The following GRIA4 variants were observed in gnomAD, a reference collection of about 807,000 sequenced individuals.
GRIA4 encodes the protein glutamate receptor 4.
GRIA4 carries 34 observed loss-of-function variants against 104.0 expected under a neutral mutation model. That is an observed-to-expected ratio of 0.33 (90% CI 0.25 to 0.44). The LOEUF (loss-of-function observed/expected upper bound fraction) is 0.44. Among genes scored for constraint, GRIA4 ranks in the 20% least tolerant of loss-of-function variants. GRIA4 has a pLI of 1.00. For missense variants in GRIA4, 750 were observed against 1,096.5 expected (o/e 0.68, Z 4.46); for synonymous variants, 386 against 381.9 (o/e 1.01, Z -0.13).
intron 3 of GRIA4, among the ~76,000 whole-genome samples, chr11:105,726,653 GT>G (rs1400157838): frequency 3.9e-5 from 6 of 152,048 alleles, no homozygotes. Flanking sequence ...CATCTGGTGG[GT>G]CCCCCTCTGG....
chr11:105,890,914 T>C (rs1467128501), intron 6 of GRIA4, among the ~76,000 whole-genome samples: 1 of 152,240 alleles, frequency 6.6e-6, no homozygotes, highest in Non-Finnish European at 1.5e-5. Context: ...ATGGGATTTG[T>C]ATGTAGGTGC....
chr11:105,831,170 G>A (rs1591318801), intron 4 of GRIA4, among the ~76,000 whole-genome samples: 1 of 152,136 alleles, frequency 6.6e-6, no homozygotes, highest in Middle Eastern at 3.4e-3. Flanking sequence ...TCATTCATAT[G>A]CCTGGCAAGT....
At chr11:105,629,428 A>T (rs774906095) in intron 3 of GRIA4, among the ~76,000 whole-genome samples, 2 of 152,062 alleles carry the variant, frequency 1.3e-5, no homozygotes, top group Non-Finnish European at 2.9e-5. Flanking sequence ...CATGATTTAG[A>T]GATTTTTAAC....
At chr11:105,662,817 T>G (rs1181351065) in intron 3 of GRIA4, among the ~76,000 whole-genome samples, 2 of 151,770 alleles carry the variant, frequency 1.3e-5, no homozygotes, top group African/African-American at 4.8e-5. Flanking sequence ...GACAGTAAGT[T>G]CCCAGGCTGA....
chr11:105,810,089 G>A (rs1943113085), intron 4 of GRIA4, among the ~76,000 whole-genome samples: 1 of 152,044 alleles, frequency 6.6e-6, no homozygotes, highest in African/African-American at 2.4e-5. Context: ...CATCACTGTT[G>A]ACCTATAAGG....
chr11:105,849,518 T>C (rs1944721467), intron 4 of GRIA4, among the ~76,000 whole-genome samples: 1 of 152,216 alleles, frequency 6.6e-6, no homozygotes, highest in Non-Finnish European at 1.5e-5. Flanking sequence ...GAGGCATCAA[T>C]TGGAGTGGTC....
chr11:105,820,026 A>G (rs1399073216), intron 4 of GRIA4, among the ~76,000 whole-genome samples: 1 of 152,086 alleles, frequency 6.6e-6, no homozygotes, highest in Admixed American at 6.6e-5. Flanking sequence ...CCAAGCCAAA[A>G]AATGACAAAG....
chr11:105,769,833 A>G (rs1476070628), intron 4 of GRIA4, among the ~76,000 whole-genome samples: 3 of 152,100 alleles, frequency 2.0e-5, no homozygotes, highest in Non-Finnish European at 2.9e-5. Context: ...TGTCAATTAC[A>G]TGAGTCATCA....
At chr11:105,738,920 TA>T (rs1208334069) in intron 3 of GRIA4, among the ~76,000 whole-genome samples, 3 of 49,314 alleles carry the variant, frequency 6.1e-5, no homozygotes, top group South Asian at 5.3e-4. Context: ...AGTTGACAAG[TA>T]AAAAAAAACA....
chr11:105,664,342 T>C (rs1252742185), intron 3 of GRIA4, among the ~76,000 whole-genome samples: 1 of 150,132 alleles, frequency 6.7e-6, no homozygotes, highest in African/African-American at 2.5e-5. Context: ...AGAAAACCAA[T>C]GTGACCAGCA....
chr11:105,940,586 T>C (rs886622790), intron 14 of GRIA4, among the ~76,000 whole-genome samples: 2 of 152,164 alleles, frequency 1.3e-5, no homozygotes, highest in Non-Finnish European at 2.9e-5. Flanking sequence ...ATATATAATC[T>C]ACCCTTCAGT....
chr11:105,760,498 A>G (rs1252404390), intron 4 of GRIA4, among the ~76,000 whole-genome samples: 1 of 152,086 alleles, frequency 6.6e-6, no homozygotes, highest in East Asian at 1.9e-4. Flanking sequence ...TATAATTTAT[A>G]TTTATCCCAA....
chr11:105,746,416 C>CTT (rs569193538), intron 3 of GRIA4, among the ~76,000 whole-genome samples: 1 of 141,714 alleles, frequency 7.1e-6, no homozygotes, highest in African/African-American at 2.6e-5. Flanking sequence ...TCAGGTTTGG[C>CTT]TTTTTTTTTT....
intron 5 of GRIA4, among the ~76,000 whole-genome samples, chr11:105,868,243 A>G (rs1441689157): frequency 2.0e-5 from 3 of 152,164 alleles, no homozygotes; most frequent in African/African-American, 7.2e-5. Flanking sequence ...CCAAGACAGA[A>G]CGAACTGTAA....
intron 6 of GRIA4, among the ~76,000 whole-genome samples, chr11:105,888,630 C>T (rs1390025910): frequency 1.3e-5 from 2 of 151,910 alleles, no homozygotes; most frequent in Non-Finnish European, 2.9e-5. Flanking sequence ...GACTATCTTG[C>T]GCTTGAAACA....
Position 105,887,110 on chromosome 11 carries a change from C to A in GRIA4, c.673-409C>A, listed in dbSNP as rs576974950. On this transcript the variant is annotated intron_variant, in intron 5 of 16. Transcript: ENST00000282499. Reference sequence around the variant, plus strand: ...CTACTCATAGATGACTATTCTTACCCTATTAAGACACCAAGCAGCCTATCT... The same window carrying A: ...CTACTCATAGATGACTATTCTTACCATATTAAGACACCAAGCAGCCTATCT... 1.3e-3 allele frequency among the ~76,000 whole-genome samples: 203 copies of A among 152,170 alleles called. 1 individual carries two copies. Among genetic ancestry groups the A allele is most frequent in the South Asian group, 0.01 (49 of 4,820 alleles).
intron 15 of GRIA4, among the ~76,000 whole-genome samples, chr11:105,972,606 G>C (rs1858754735): frequency 6.6e-6 from 1 of 151,892 alleles, no homozygotes; most frequent in African/African-American, 2.4e-5. Flanking sequence ...CAATGTTTAT[G>C]AATAATATTC....
chr11:105,816,715 T>C (rs896929216), intron 4 of GRIA4, among the ~76,000 whole-genome samples: 5 of 152,078 alleles, frequency 3.3e-5, no homozygotes, highest in Non-Finnish European at 7.4e-5. Flanking sequence ...GTATAGTGGT[T>C]AAAAGCTCAG....
intron 4 of GRIA4, among the ~76,000 whole-genome samples, chr11:105,764,227 C>G (rs2135724319): frequency 6.6e-6 from 1 of 152,290 alleles, no homozygotes; most frequent in African/African-American, 2.4e-5. Flanking sequence ...ACCTCCACCT[C>G]CTGGGTTCAA....
Sources: allele counts gnomAD v4.1 joint callset (sites outside exome capture counted in the v4.1 genomes callset), GRCh38; gene constraint gnomAD v4.1.1; transcripts MANE v1.5; gene names NCBI Gene and HGNC (gene_info 2026-07-23, HGNC 2026-07-21).